KCND2: variants seen among roughly 807,000 people sequenced by gnomAD.
KCND2 encodes potassium voltage-gated channel subfamily D member 2.
Under a neutral mutation model 54.4 loss-of-function variants are expected in KCND2, and 16 were observed. The observed-to-expected ratio is 0.29, with a 90% CI of 0.20 to 0.45. KCND2 has a LOEUF of 0.45. KCND2 is among the 20% of genes least tolerant of loss of function. The pLI, the probability that KCND2 is intolerant of heterozygous loss-of-function variation, is 1.00. For missense variants in KCND2, 486 were observed against 824.2 expected, an observed-to-expected ratio of 0.59 and a Z score of 5.02; for synonymous variants, 317 against 310.7, an observed-to-expected ratio of 1.02 and a Z score of -0.21.
At chr7:120,552,353 T>G (rs1467403796) in intron 1 of KCND2, among the ~76,000 whole-genome samples, 1 of 152,212 alleles carries the variant, frequency 6.6e-6, no homozygotes, top group Non-Finnish European at 1.5e-5. Flanking sequence ...CACTTCTCCC[T>G]GTAGGGGAGG....
At chr7:120,386,130 G>C (rs1305711956) in intron 1 of KCND2, among the ~76,000 whole-genome samples, 1 of 152,108 alleles carries the variant, frequency 6.6e-6, no homozygotes, top group African/African-American at 2.4e-5. Context: ...ACAAAAGTCA[G>C]AAGCATTTGT....
intron 1 of KCND2, among the ~76,000 whole-genome samples, chr7:120,351,119 G>T (rs1310953819): frequency 6.6e-6 from 1 of 150,838 alleles, no homozygotes; most frequent in Non-Finnish European, 1.5e-5. Context: ...GAATCACAAA[G>T]TTGTAGAAAG....
intron 1 of KCND2, among the ~76,000 whole-genome samples, chr7:120,534,908 A>G (rs1173559832): frequency 6.6e-6 from 1 of 152,210 alleles, no homozygotes; most frequent in Non-Finnish European, 1.5e-5. Context: ...TTTGTAAGTA[A>G]TATTTTTAAA....
intron 1 of KCND2, among the ~76,000 whole-genome samples, chr7:120,302,271 T>C (rs1799594657): frequency 6.6e-6 from 1 of 152,186 alleles, no homozygotes. Flanking sequence ...TTGTTTGTTG[T>C]TGTTGTTTGA....
Position 120,561,996 on chromosome 7 carries a change from A to T in KCND2, c.1116-170907A>T, listed in dbSNP as rs1386455520. Among the ~76,000 whole-genome samples, 3 of 152,162 alleles carry T rather than the reference A, an allele frequency of 2.0e-5. No individual in the cohort carries two copies. The East Asian group carries it at 5.8e-4, about 29-fold the overall frequency. On this transcript the variant is annotated intron_variant, in intron 1 of 5. Transcript: ENST00000331113. Reference sequence around the variant, plus strand: ...TTCTGAAATAAATTGGGTATGAAGGAGTAGAAGTTGGTAATGAGGAAAGGA... The same window carrying T: ...TTCTGAAATAAATTGGGTATGAAGGTGTAGAAGTTGGTAATGAGGAAAGGA...
Position 120,374,018 on chromosome 7 carries a change from T to A in KCND2, c.1115+98271T>A, listed in dbSNP as rs1800802507. Among the ~76,000 whole-genome samples, 5 of 151,780 alleles carry A rather than the reference T, an allele frequency of 3.3e-5. No individual in the cohort carries two copies. The South Asian group carries it at 1.0e-3, about 31-fold the overall frequency. On this transcript the variant is annotated intron_variant, in intron 1 of 5. Transcript: ENST00000331113. ...AAGATAGTTGATCCTACTGCTAGCT[T>A]ATTTATATTTTAAAAAGTTGCTTTC...
At chr7:120,506,711 C>T (rs996214060) in intron 1 of KCND2, among the ~76,000 whole-genome samples, 1 of 151,694 alleles carries the variant, frequency 6.6e-6, no homozygotes, top group East Asian at 1.9e-4. Context: ...TGTTAGGAAG[C>T]GAGTGATAAA....
chr7:120,711,466 A>C (rs1200729256), intron 1 of KCND2, among the ~76,000 whole-genome samples: 1 of 152,182 alleles, frequency 6.6e-6, no homozygotes, highest in East Asian at 1.9e-4. Flanking sequence ...GAACTTTTTC[A>C]AACTTAAGAA....
intron 1 of KCND2, among the ~76,000 whole-genome samples, chr7:120,654,839 C>T (rs1791781494): frequency 6.6e-6 from 1 of 152,044 alleles, no homozygotes; most frequent in African/African-American, 2.4e-5. Context: ...TATGGATATA[C>T]ACACATACAT....
chr7:120,493,222 C>A (rs1802808502), intron 1 of KCND2, among the ~76,000 whole-genome samples: 2 of 150,644 alleles, frequency 1.3e-5, no homozygotes, highest in African/African-American at 2.4e-5. Flanking sequence ...ATATATATAT[C>A]TCCTAAAGTT....
intron 1 of KCND2, among the ~76,000 whole-genome samples, chr7:120,587,213 T>C (rs954127650): frequency 3.3e-5 from 5 of 152,166 alleles, no homozygotes; most frequent in Admixed American, 1.3e-4. Flanking sequence ...GTGACAAGTA[T>C]GTTTTTCCCT....
chr7:120,621,139 G>GGC (rs1286187172), intron 1 of KCND2, among the ~76,000 whole-genome samples: 1 of 151,778 alleles, frequency 6.6e-6, no homozygotes, highest in African/African-American at 2.4e-5. Flanking sequence ...CAGGCATGGT[G>GGC]ACACGCACCT....
intron 1 of KCND2, among the ~76,000 whole-genome samples, chr7:120,593,401 A>G (rs1792695162): frequency 1.3e-5 from 2 of 152,198 alleles, no homozygotes; most frequent in Admixed American, 6.5e-5. Context: ...AGGTCGGTCT[A>G]CAGACATTGT....
intron 1 of KCND2, among the ~76,000 whole-genome samples, chr7:120,375,392 G>A (rs1434897457): frequency 6.6e-6 from 1 of 151,714 alleles, no homozygotes; most frequent in Non-Finnish European, 1.5e-5. Context: ...TCTCCTCTGT[G>A]TAAATACCAG....
At chr7:120,646,539 C>A (rs992673636) in intron 1 of KCND2, among the ~76,000 whole-genome samples, 17 of 152,136 alleles carry the variant, frequency 1.1e-4, no homozygotes, top group Non-Finnish European at 1.9e-4. Context: ...TCTGTCATCA[C>A]CCTTCTTCAT....
chr7:120,573,506 G>A (rs144704917), intron 1 of KCND2, among the ~76,000 whole-genome samples: 86 of 152,204 alleles, frequency 5.7e-4, no homozygotes, highest in East Asian at 1.9e-3. Flanking sequence ...ATTTTCCCCC[G>A]TTAAGCTTAC....
chr7:120,717,834 C>A (rs1045151171), intron 1 of KCND2, among the ~76,000 whole-genome samples: 2 of 152,088 alleles, frequency 1.3e-5, no homozygotes, highest in African/African-American at 4.8e-5. Flanking sequence ...ACCATCATTT[C>A]TATTATTGCA....
chr7:120,293,422 C>A (rs1199964546), intron 1 of KCND2, among the ~76,000 whole-genome samples: 3 of 151,934 alleles, frequency 2.0e-5, no homozygotes, highest in African/African-American at 7.2e-5. Flanking sequence ...TTGAATTGTT[C>A]TGGCACCCAT....
rs372421333 is a variant in KCND2 at position 120,397,972 on chromosome 7, A to AGTGTGT, written c.1115+122244_1115+122249dup. ...ACATAACTATATGTGTGTGTATATAAGTGTGTGTGTGTGTGTGTGTGTGTA... is the reference window on the plus strand; with the variant it reads ...ACATAACTATATGTGTGTGTATATAAGTGTGTGTGTGTGTGTGTGTGTGTGTGTGTA... On this transcript the variant is annotated intron_variant, in intron 1 of 5. Transcript: ENST00000331113. 9.1e-5 allele frequency among the ~76,000 whole-genome samples: 10 copies of AGTGTGT among 109,610 alleles called. 1 individual carries two copies. The highest frequency in any genetic ancestry group is 1.1e-4 in the Non-Finnish European group (6 of 54,622). The allele number at this position is 109,610 out of a possible 152,430, so 71.9% of individuals were successfully genotyped here.
Sources: gnomAD v4.1 joint callset for allele counts (sites outside exome capture counted in the v4.1 genomes callset) on GRCh38, gnomAD v4.1.1 for gene constraint, MANE v1.5 for transcripts, NCBI Gene and HGNC (gene_info 2026-07-23, HGNC 2026-07-21) for gene names.